Variants in BCAS3 observed in about 807,000 individuals in gnomAD.
BCAS3 encodes BCAS3 microtubule associated cell migration factor, also known as BCAS4/BCAS3 fusion.
In BCAS3, 53 loss-of-function variants were observed where a neutral mutation model predicts 116.1. The observed-to-expected ratio is 0.46, with a 90% confidence interval of 0.37 to 0.57. The LOEUF (loss-of-function observed/expected upper bound fraction) is 0.57. Among genes scored for constraint, BCAS3 ranks in the 20% least tolerant of loss-of-function variants. The pLI is 0.00. For missense variants in BCAS3, 917 were observed against 1,165.4 expected, an observed-to-expected ratio of 0.79 and a Z score of 3.10; for synonymous variants, 391 against 408.2, an observed-to-expected ratio of 0.96 and a Z score of 0.51.
intron 4 of BCAS3, chr17:60,696,614 ATGC>A (rs1401610628): frequency 6.6e-6 from 1 of 151,994 alleles, no homozygotes; most frequent in Non-Finnish European, 1.5e-5. Flanking sequence ...CTAAAAGAAA[ATGC>A]TGCTATCAGC....
At position 61,337,209 on chromosome 17, in the gene BCAS3, C is replaced by T. The variant is rs2143185863; in HGVS notation, c.2426-31118C>T. Among the ~76,000 whole-genome samples the T allele has an allele frequency of 6.6e-6, 1 of 152,286 alleles. No homozygotes were observed. ...TATACTTTATTTAAATCGCCTCACC[C>T]GAGTGGAACAGGGACGTGAGCCATG... is the stretch of plus-strand genomic sequence containing the variant. On this transcript the variant is annotated intron_variant, in intron 22 of 23. Transcript: ENST00000407086. The surrounding 1 kb of genome is among the most constrained non-coding windows in gnomAD (Gnocchi z 4.8).
chr17:60,867,964 G>GA (rs1240962019), intron 7 of BCAS3, among the ~76,000 whole-genome samples: 4 of 151,184 alleles, frequency 2.6e-5, no homozygotes, highest in African/African-American at 9.7e-5. Context: ...AATAGGCTTT[G>GA]AAGTTTATTA....
Position 61,335,049 on chromosome 17 carries a change from A to C in BCAS3, c.2426-33278A>C, listed in dbSNP as rs1251490007. 3.3e-5 allele frequency among the ~76,000 whole-genome samples: 5 copies of C among 152,328 alleles called. No individual in the cohort carries two copies. The East Asian group carries it at 7.7e-4, about 24-fold the overall frequency. On this transcript the variant is annotated intron_variant, in intron 22 of 23. Coordinates refer to ENST00000407086, the MANE Select transcript of BCAS3 (RefSeq NM_017679.5). ...TGTGGTCATCCCAGGGGCACCCAGA[A>C]CAGACCGGAGTTCTTCCTCAGGCAC...
intron 13 of BCAS3, among the ~76,000 whole-genome samples, chr17:60,939,795 A>G (rs1339988866): frequency 6.6e-6 from 1 of 152,234 alleles, no homozygotes; most frequent in African/African-American, 2.4e-5. Flanking sequence ...AAATGAATCT[A>G]TTGTATATAA....
intron 19 of BCAS3, among the ~76,000 whole-genome samples, chr17:61,042,912 A>AAAG (rs1555682973): frequency 7.0e-6 from 1 of 143,704 alleles, no homozygotes; most frequent in Non-Finnish European, 1.5e-5. Flanking sequence ...AAAAAAAAAA[A>AAAG]AAAGAAAGAA....
At chr17:60,874,971 A>T (rs1031193224) in intron 9 of BCAS3, among the ~76,000 whole-genome samples, 6 of 152,066 alleles carry the variant, frequency 3.9e-5, no homozygotes, top group African/African-American at 1.4e-4. Context: ...GGGTTACCTC[A>T]CTTTCTCCTT....
chr17:61,253,170 C>A (rs2048501482), intron 22 of BCAS3, among the ~76,000 whole-genome samples: 1 of 151,824 alleles, frequency 6.6e-6, no homozygotes, highest in Non-Finnish European at 1.5e-5. Flanking sequence ...GCCACTGAGC[C>A]CGGCCCGTTG....
intron 6 of BCAS3, among the ~76,000 whole-genome samples, chr17:60,800,072 T>C (rs1428934477): frequency 6.6e-6 from 1 of 152,222 alleles, no homozygotes; most frequent in Admixed American, 6.5e-5. Context: ...GCACAAGTTT[T>C]TATTTTTCTG....
intron 22 of BCAS3, among the ~76,000 whole-genome samples, chr17:61,311,071 G>A (rs2054268477): frequency 6.6e-6 from 1 of 152,180 alleles, no homozygotes; most frequent in African/African-American, 2.4e-5. Context: ...TGAGAATTCA[G>A]TGAGTTAATA....
At chr17:61,374,597 T>C (rs947279212) in intron 23 of BCAS3, among the ~76,000 whole-genome samples, 1 of 152,242 alleles carries the variant, frequency 6.6e-6, no homozygotes, top group Non-Finnish European at 1.5e-5. Context: ...GCATTAAAGA[T>C]AGGAAAAGGC....
At chr17:60,971,374 T>G (rs906449810) in intron 14 of BCAS3, among the ~76,000 whole-genome samples, 2 of 152,218 alleles carry the variant, frequency 1.3e-5, no homozygotes, top group Non-Finnish European at 2.9e-5. Context: ...ATATTGTCTC[T>G]ATACTCAGTT....
intron 6 of BCAS3, among the ~76,000 whole-genome samples, chr17:60,757,553 C>T (rs961869912): frequency 1.8e-4 from 28 of 151,576 alleles, no homozygotes; most frequent in African/African-American, 6.5e-4. Context: ...ACGTATTGGC[C>T]ATTAATATGT....
chr17:61,165,716 T>C (rs975337646), intron 22 of BCAS3, among the ~76,000 whole-genome samples: 2 of 152,112 alleles, frequency 1.3e-5, no homozygotes, highest in South Asian at 2.1e-4. Flanking sequence ...CAAAAAACTT[T>C]TAAAAACTAT....
intron 22 of BCAS3, among the ~76,000 whole-genome samples, chr17:61,236,792 G>A (rs2083097380): frequency 6.6e-6 from 1 of 152,066 alleles, no homozygotes; most frequent in African/African-American, 2.4e-5. Flanking sequence ...TTTGGAGAAG[G>A]TATGATTTGA....
At chr17:60,736,912 CCCTT>C (rs553498986) in intron 5 of BCAS3, among the ~76,000 whole-genome samples, 3,132 of 128,404 alleles carry the variant, frequency 0.024, 99 homozygotes, top group African/African-American at 0.084. Context: ...CTCCCTTCCT[CCCTT>C]CCTCCCTTCC....
intron 7 of BCAS3, among the ~76,000 whole-genome samples, chr17:60,819,510 A>G (rs1446206054): frequency 6.6e-6 from 1 of 152,194 alleles, no homozygotes; most frequent in African/African-American, 2.4e-5. Flanking sequence ...GTTTACCAAA[A>G]TGGTTATTTG....
At chr17:60,911,403 A>G (rs1019469268) in intron 12 of BCAS3, among the ~76,000 whole-genome samples, 16 of 152,102 alleles carry the variant, frequency 1.1e-4, no homozygotes, top group African/African-American at 1.4e-4. Context: ...GGTTCAAGCA[A>G]TTCTCCTGCC....
intron 6 of BCAS3, among the ~76,000 whole-genome samples, chr17:60,802,371 C>CATATATATATATATATATATATATATAT (rs533515914): frequency 8.9e-6 from 1 of 111,942 alleles, no homozygotes; most frequent in African/African-American, 3.8e-5. Flanking sequence ...TACATACATA[C>CATATATATATATATATATATATATATAT]ATATATATAT....
In BCAS3 at chr17:60,964,143, C is replaced by A. The variant is rs539200195; in HGVS notation, c.1221+16791C>A. On this transcript the variant is annotated intron_variant, in intron 14 of 23. Transcript: ENST00000407086. The surrounding 1 kb of genome is among the most constrained non-coding windows in gnomAD (Gnocchi z 4.6). ...TTAGAGGAAAGGCCTTCATTTTTTC[C>A]CTGTTCCGTATGATGGTAGCTGTGG... is the stretch of plus-strand genomic sequence containing the variant. 4.6e-5 allele frequency among the ~76,000 whole-genome samples: 7 copies of A among 152,202 alleles called. No homozygotes were observed. Among genetic ancestry groups the A allele is most frequent in the African/African-American group, 1.7e-4 (7 of 41,528 alleles).
Sources: allele counts gnomAD v4.1 joint callset (sites outside exome capture counted in the v4.1 genomes callset), GRCh38; gene constraint gnomAD v4.1.1; non-coding constraint Gnocchi (gnomAD v3.1); transcripts MANE v1.5; gene names NCBI Gene and HGNC (gene_info 2026-07-23, HGNC 2026-07-21).